ASRGL1: variants seen among roughly 807,000 people sequenced by gnomAD.
ASRGL1 encodes the protein asparaginase and isoaspartyl peptidase 1, also known as isoaspartyl peptidase/L-asparaginase.
ASRGL1 carries 16 observed loss-of-function variants against 22.4 expected under a neutral mutation model. That is an observed-to-expected ratio of 0.71 (90% confidence interval 0.48 to 1.08). ASRGL1 has a LOEUF of 1.08. ASRGL1 is among the 50% of genes least tolerant of loss of function. ASRGL1 has a pLI of 0.00. For missense variants in ASRGL1, 412 were observed against 410.1 expected, an observed-to-expected ratio of 1.00 and a Z score of -0.04; for synonymous variants, 165 against 159.3, an observed-to-expected ratio of 1.04 and a Z score of -0.27.
intron 4 of ASRGL1, among the ~76,000 whole-genome samples, chr11:62,383,775 T>G (rs112776773): frequency 1.3e-5 from 2 of 150,262 alleles, no homozygotes; most frequent in Non-Finnish European, 3.0e-5. Context: ...ATACAAAAAA[T>G]TAGCCAGGCT....
At chr11:62,379,295 A>G (rs1947007320) in intron 4 of ASRGL1, among the ~76,000 whole-genome samples, 2 of 152,182 alleles carry the variant, frequency 1.3e-5, no homozygotes, top group South Asian at 4.1e-4. Context: ...AGTGTCTACC[A>G]ACCCTTCAAA....
intron 4 of ASRGL1, among the ~76,000 whole-genome samples, chr11:62,379,138 A>G (rs1251027920): frequency 6.6e-6 from 1 of 152,150 alleles, no homozygotes; most frequent in Non-Finnish European, 1.5e-5. Flanking sequence ...GTTGAACAGT[A>G]CTTTCTTGAT....
rs1293079333 is a variant in ASRGL1 at position 62,362,631 on chromosome 11, A to G, written c.491+5487A>G. The stretch of plus-strand genomic sequence containing the variant: ...AAATATATATTATATATTATATAAA[A>G]TATATATAATATATAATATATATTA... On this transcript the variant is annotated intron_variant, in intron 4 of 6. Transcript: ENST00000415229. Among the ~76,000 whole-genome samples, 4 of 49,788 alleles carry G rather than the reference A, an allele frequency of 8.0e-5. 1 individual carries two copies. Among genetic ancestry groups the G allele is most frequent in the African/African-American group, 4.2e-4 (4 of 9,492 alleles). 32.7% of individuals were successfully genotyped at this position (49,788 alleles called of 152,430 possible).
chr11:62,372,547 G>A lies in ASRGL1; in HGVS notation c.491+15403G>A. 4 of 929,730 alleles carry A rather than the reference G, an allele frequency of 4.3e-6. No individual in the cohort carries two copies. The South Asian group carries it at 5.2e-5, about 12-fold the overall frequency. The allele number at this position is 929,730 out of a possible 1,614,324, so 57.6% of individuals were successfully genotyped here. A position where few individuals can be genotyped will look rare whatever the true frequency, so the allele number is the denominator to read the frequency against. ...CTGCAAACTAGTTCCCCAGCGAGTG[G>A]CCATCTTCATTGAGAAGACAAAAGA... On this transcript the variant is annotated intron_variant, in intron 4 of 6. Coordinates refer to ENST00000415229, the MANE Select transcript of ASRGL1 (RefSeq NM_001083926.2).
intron 2 of ASRGL1, among the ~76,000 whole-genome samples, chr11:62,348,760 G>C (rs942783986): frequency 3.3e-5 from 5 of 151,902 alleles, no homozygotes; most frequent in Non-Finnish European, 7.4e-5. Flanking sequence ...GCACTGAATT[G>C]TTTCTGGGCG....
chr11:62,346,928 C>T (rs1258911392), intron 2 of ASRGL1, among the ~76,000 whole-genome samples: 1 of 150,862 alleles, frequency 6.6e-6, no homozygotes, highest in Non-Finnish European at 1.5e-5. Flanking sequence ...TGAGATGGCA[C>T]CACTGCACTC....
chr11:62,370,303 G>C (rs902600944), intron 4 of ASRGL1, among the ~76,000 whole-genome samples: 1 of 152,180 alleles, frequency 6.6e-6, no homozygotes, highest in Non-Finnish European at 1.5e-5. Context: ...TATAGTTTGG[G>C]AGTCTGGTTT....
At chr11:62,344,103 G>A (rs749765882) in intron 2 of ASRGL1, among the ~76,000 whole-genome samples, 50 of 151,540 alleles carry the variant, frequency 3.3e-4, no homozygotes, top group Non-Finnish European at 8.8e-5. Flanking sequence ...TCATCATGTT[G>A]GCCAGGCTGA....
chr11:62,362,435 A>G (rs1209922696), intron 4 of ASRGL1, among the ~76,000 whole-genome samples: 1 of 132,540 alleles, frequency 7.5e-6, no homozygotes, highest in Non-Finnish European at 1.5e-5. Flanking sequence ...CTATTAATAA[A>G]TTTAACAAAA....
At chr11:62,381,008 G>A (rs1422885558) in intron 4 of ASRGL1, among the ~76,000 whole-genome samples, 2 of 152,166 alleles carry the variant, frequency 1.3e-5, no homozygotes, top group Admixed American at 6.5e-5. Context: ...AACACTCCTG[G>A]CTGTCCATAC....
chr11:62,352,049 T>C (rs989120384), intron 2 of ASRGL1, among the ~76,000 whole-genome samples: 1 of 152,234 alleles, frequency 6.6e-6, no homozygotes, highest in African/African-American at 2.4e-5. Context: ...ATCTGTGTTA[T>C]GGACTGAATG....
intron 4 of ASRGL1, among the ~76,000 whole-genome samples, chr11:62,364,768 CAAAA>C (rs1186555015): frequency 6.6e-6 from 1 of 151,972 alleles, no homozygotes; most frequent in Non-Finnish European, 1.5e-5. Flanking sequence ...GAATCTAAAA[CAAAA>C]AGAAACATTG....
intron 4 of ASRGL1, chr11:62,372,051 G>A: frequency 2.7e-6 from 2 of 751,670 alleles, no homozygotes; most frequent in Admixed American, 3.6e-5. Flanking sequence ...TGCCTGGCGG[G>A]GGTCCGGGTG....
chr11:62,394,249 GTTATATA>G (rs1565178968), downstream of ASRGL1, among the ~76,000 whole-genome samples: 9 of 134,628 alleles, frequency 6.7e-5, no homozygotes, highest in African/African-American at 2.5e-4. Context: ...TATATAATTT[GTTATATA>G]TTATATACTA....
intron 4 of ASRGL1, among the ~76,000 whole-genome samples, chr11:62,379,520 T>C (rs895421163): frequency 1.3e-5 from 2 of 152,168 alleles, no homozygotes; most frequent in African/African-American, 4.8e-5. Flanking sequence ...ACCAATTGAA[T>C]TTCACCTTTG....
intron 4 of ASRGL1, among the ~76,000 whole-genome samples, chr11:62,360,033 T>C (rs1946395835): frequency 6.7e-6 from 1 of 150,238 alleles, no homozygotes; most frequent in South Asian, 2.1e-4. Context: ...TTTTTTTTTT[T>C]GGTTTTGTTT....
intron 4 of ASRGL1, among the ~76,000 whole-genome samples, chr11:62,374,879 A>C (rs1220426328): frequency 1.3e-5 from 2 of 152,134 alleles, no homozygotes; most frequent in African/African-American, 2.4e-5. Context: ...TCAAGCTTCC[A>C]TGCGACAGCC....
At chr11:62,338,253 A>C in intron 2 of ASRGL1, 86 bp downstream of exon 2, 1 of 1,306,058 alleles carries the variant, frequency 7.7e-7, no homozygotes, top group Non-Finnish European at 1.0e-6. Flanking sequence ...GTGTTAGGGA[A>C]TCTAATGAGC....
intron 2 of ASRGL1, among the ~76,000 whole-genome samples, chr11:62,343,377 C>CAAAAAAA (rs35798082): frequency 1.2e-5 from 1 of 86,352 alleles, no homozygotes. Flanking sequence ...GACCCTGTCT[C>CAAAAAAA]AAAAAAAAAA....
Sources: gnomAD v4.1 joint callset for allele counts (sites outside exome capture counted in the v4.1 genomes callset) on GRCh38, gnomAD v4.1.1 for gene constraint, MANE v1.5 for transcripts, NCBI Gene and HGNC (gene_info 2026-07-23, HGNC 2026-07-21) for gene names.